UBR3: variants seen among roughly 807,000 people sequenced by gnomAD.
The protein encoded by UBR3 is ubiquitin protein ligase E3 component n-recognin 3.
In UBR3, 85 loss-of-function variants were observed where a neutral mutation model predicts 243.2. That is an observed-to-expected ratio of 0.35 (90% CI 0.29 to 0.42). UBR3 has a LOEUF of 0.42. Ranked by LOEUF, UBR3 falls within the 10% of genes least tolerant of loss-of-function variation. UBR3 has a pLI of 1.00. For missense variants in UBR3, 1,686 were observed against 2,300.8 expected (o/e 0.73, Z 5.47); for synonymous variants, 748 against 799.8 (o/e 0.94, Z 1.09).
intron 32 of UBR3, among the ~76,000 whole-genome samples, chr2:170,053,051 G>T (rs927948183): frequency 1.3e-5 from 2 of 152,126 alleles, no homozygotes; most frequent in African/African-American, 4.8e-5. Context: ...ATTGCAGGGG[G>T]CTGAGAGGTG....
intron 19 of UBR3, among the ~76,000 whole-genome samples, chr2:169,941,942 T>A (rs952460736): frequency 4.6e-5 from 7 of 152,234 alleles, no homozygotes; most frequent in African/African-American, 1.7e-4. Context: ...GGGATATCAG[T>A]TCTATCTCTG....
rs11344991 is a variant in UBR3, at chr2:169,869,216, G to GTTTT, written c.546-3000_546-2997dup. 6.4e-4 allele frequency among the ~76,000 whole-genome samples: 36 copies of GTTTT among 56,212 alleles called. 1 individual carries two copies. The highest frequency in any genetic ancestry group is 1.1e-3 in the East Asian group (2 of 1,746). The allele number at this position is 56,212 out of a possible 152,430, so 36.9% of individuals were successfully genotyped here. On this transcript the variant is annotated intron_variant, in intron 1 of 38. Coordinates refer to ENST00000272793, the MANE Select transcript of UBR3 (RefSeq NM_172070.4). ...TTCTGGTGATGCTAAGATTGATAAG[G>GTTTT]TTTTTTTTTTTTTTTTTTTTTTTGA... is the stretch of plus-strand genomic sequence containing the variant.
chr2:170,074,879 G>A (rs943982389), intron 36 of UBR3, among the ~76,000 whole-genome samples: 3 of 152,072 alleles, frequency 2.0e-5, no homozygotes, highest in Admixed American at 1.3e-4. Context: ...ATTTATCCCC[G>A]GTTTCTAGAA....
chr2:169,861,517 G>C (rs2083089585), intron 1 of UBR3, among the ~76,000 whole-genome samples: 1 of 151,114 alleles, frequency 6.6e-6, no homozygotes, highest in Non-Finnish European at 1.5e-5. Context: ...TGAGGCAGGA[G>C]AATCGTTGGA....
At chr2:169,841,604 G>T (rs1378190297) in intron 1 of UBR3, among the ~76,000 whole-genome samples, 1 of 152,224 alleles carries the variant, frequency 6.6e-6, no homozygotes, top group Non-Finnish European at 1.5e-5. Context: ...GTGGGCGTGG[G>T]CTTGGTGGGC....
chr2:169,922,288 TAA>T (rs748782463), intron 11 of UBR3, among the ~76,000 whole-genome samples: 53 of 122,666 alleles, frequency 4.3e-4, no homozygotes, highest in Admixed American at 8.4e-4. Context: ...CCTGTCTATT[TAA>T]AAAAAAAAAA....
chr2:169,874,234 TG>T (rs1295357245), intron 2 of UBR3, among the ~76,000 whole-genome samples: 1 of 151,902 alleles, frequency 6.6e-6, no homozygotes, highest in East Asian at 1.9e-4. Flanking sequence ...AGTGGTGCGA[TG>T]TCAGCTCACC....
chr2:169,942,703 A>G (rs2086638885), intron 20 of UBR3, 69 bp downstream of exon 20: 7 of 1,360,494 alleles, frequency 5.1e-6, no homozygotes, highest in Non-Finnish European at 5.7e-6. Flanking sequence ...CTAAAGGATA[A>G]TATTTACATA....
At chr2:169,991,125 T>A (rs1243828778) in intron 25 of UBR3, among the ~76,000 whole-genome samples, 1 of 152,064 alleles carries the variant, frequency 6.6e-6, no homozygotes, top group Non-Finnish European at 1.5e-5. Flanking sequence ...AGAAGGAGAT[T>A]ATATATTGAT....
chr2:170,072,440 G>A (rs559055204), intron 35 of UBR3, among the ~76,000 whole-genome samples: 9 of 150,854 alleles, frequency 6.0e-5, no homozygotes, highest in African/African-American at 2.2e-4. Flanking sequence ...CGGGAGGGGG[G>A]AGGGATAGCA....
chr2:169,928,629 ATT>A, intron 17 of UBR3, 96 bp from the exon 18 acceptor site: 1 of 967,236 alleles, frequency 1.0e-6, no homozygotes, highest in Non-Finnish European at 1.4e-6. Context: ...ACCAATTACT[ATT>A]TGTCTACTTC....
chr2:169,993,725 ACT>A (rs2089378089), intron 25 of UBR3, among the ~76,000 whole-genome samples: 1 of 151,808 alleles, frequency 6.6e-6, no homozygotes, highest in African/African-American at 2.4e-5. Flanking sequence ...ATACGTTAAG[ACT>A]CTACTCACCC....
intron 33 of UBR3, 35 bp downstream of exon 33, chr2:170,055,619 A>G: frequency 6.2e-7 from 1 of 1,608,590 alleles, no homozygotes; most frequent in Non-Finnish European, 8.5e-7. Context: ...TTTAGCAGGT[A>G]GGTGAAGTCA....
chr2:169,904,088 T>C (rs1173673080), intron 8 of UBR3, among the ~76,000 whole-genome samples: 1 of 152,194 alleles, frequency 6.6e-6, no homozygotes, highest in Non-Finnish European at 1.5e-5. Context: ...GTGTAAAATA[T>C]ACTTAGGCTT....
intron 1 of UBR3, among the ~76,000 whole-genome samples, chr2:169,860,874 C>T (rs2083063228): frequency 6.6e-6 from 1 of 152,066 alleles, no homozygotes; most frequent in African/African-American, 2.4e-5. Flanking sequence ...AGCCCGAGTC[C>T]CAAAACCTCG....
At chr2:169,978,063 G>A (rs1457034661) in intron 24 of UBR3, among the ~76,000 whole-genome samples, 1 of 152,148 alleles carries the variant, frequency 6.6e-6, no homozygotes, top group Non-Finnish European at 1.5e-5. Flanking sequence ...AGCTTCTCTG[G>A]TGGTGTTCAA....
chr2:169,839,015 T>C (rs974509461), intron 1 of UBR3, among the ~76,000 whole-genome samples: 1 of 152,192 alleles, frequency 6.6e-6, no homozygotes, highest in African/African-American at 2.4e-5. Context: ...ATTCCACTAC[T>C]GAGTATATAT....
chr2:169,910,186 A>G (rs546610738), intron 10 of UBR3, among the ~76,000 whole-genome samples: 2 of 152,278 alleles, frequency 1.3e-5, no homozygotes. Context: ...ACCCTTCGGC[A>G]TATAGAAGAT....
chr2:169,985,817 T>C (rs909622125), intron 24 of UBR3, among the ~76,000 whole-genome samples: 1 of 152,184 alleles, frequency 6.6e-6, no homozygotes, highest in African/African-American at 2.4e-5. Flanking sequence ...TTTTAAAATA[T>C]CTAAACTTGA....
Sources: allele counts gnomAD v4.1 joint callset (sites outside exome capture counted in the v4.1 genomes callset), GRCh38; gene constraint gnomAD v4.1.1; transcripts MANE v1.5; gene names NCBI Gene and HGNC (gene_info 2026-07-23, HGNC 2026-07-21).